The following FANCA variants were observed in gnomAD, a reference collection of about 807,000 sequenced individuals.
The protein encoded by FANCA is FA complementation group A.
In FANCA, 236 loss-of-function variants were observed where a neutral mutation model predicts 194.3. The ratio of observed to expected loss-of-function variants is 1.21; its 90% CI spans 1.09 to 1.35. FANCA has a LOEUF of 1.35. Among genes scored for constraint, FANCA ranks in the 40% most tolerant of loss-of-function variants. The pLI, the probability that FANCA is intolerant of heterozygous loss-of-function variation, is 0.00. For synonymous variants in FANCA, 1,014 were observed against 715.8 expected, an observed-to-expected ratio of 1.42 and a Z score of -6.65; for missense variants, 2,628 against 1,813.9, an observed-to-expected ratio of 1.45 and a Z score of -8.15.
At chr16:89,815,767 G>T in intron 2 of FANCA, 110 bp downstream of exon 2, 1 of 916,984 alleles carries the variant, frequency 1.1e-6, no homozygotes. Context: ...CTGCGGGCCA[G>T]GCCACCGCGC....
chr16:89,805,347 C>G lies in FANCA; in HGVS notation c.642G>C (p.Leu214=), dbSNP rs751215437. Reference sequence around the variant, plus strand: ...CTTCCATCTGTTCACAAAGGCAGCACAGATTCCTGAAGAGCCACGATCCCA... The same window carrying G: ...CTTCCATCTGTTCACAAAGGCAGCAGAGATTCCTGAAGAGCCACGATCCCA... The part of the protein sequence containing the change: ...HAVGSWLFRN[L]CCLCEQMEAS... Residue 214 remains leucine, a synonymous_variant, in exon 7 of 43, where the codon CTG becomes CTC. Coordinates refer to ENST00000389301, the MANE Select transcript of FANCA (RefSeq NM_000135.4). 8 of 1,614,074 alleles carry G rather than the reference C, an allele frequency of 5.0e-6. No individual in the cohort carries two copies. The highest frequency in any genetic ancestry group is 5.9e-6 in the Non-Finnish European group (7 of 1,179,978).
rs775991258 is a variant in FANCA, at chr16:89,805,392, G to A, written c.597C>T (p.Ser199=). Residue 199 remains serine (S), a splice_region_variant and synonymous_variant, in exon 7 of 43, where the codon AGC becomes AGT. Coordinates refer to ENST00000389301, the MANE Select transcript of FANCA (RefSeq NM_000135.4). The part of the protein sequence containing the change: ...GIVSLQELLE[S]HPDMHAVGSW... Reference sequence around the variant, plus strand: ...ATCCCACAGCATGCATGTCGGGATGGCTGGAGACACACACAGAGGCAGACG... The same window carrying A: ...ATCCCACAGCATGCATGTCGGGATGACTGGAGACACACACAGAGGCAGACG... 3 of 1,611,622 alleles carry A rather than the reference G, an allele frequency of 1.9e-6. No individual in the cohort carries two copies. Among genetic ancestry groups the A allele is most frequent in the Admixed American group, 1.7e-5 (1 of 59,948 alleles).
intron 14 of FANCA, among the ~76,000 whole-genome samples, chr16:89,789,501 T>C (rs905932602): frequency 6.9e-6 from 1 of 144,618 alleles, no homozygotes; most frequent in Non-Finnish European, 1.5e-5. Flanking sequence ...AGCGTAGTAA[T>C]GCAATCCCAG....
chr16:89,767,103 T>C, intron 27 of FANCA, 38 bp downstream of exon 27: 1 of 1,504,920 alleles, frequency 6.6e-7, no homozygotes, highest in Non-Finnish European at 9.3e-7. Flanking sequence ...ACCTGAAACG[T>C]ATGGCAGAAT....
At chr16:89,801,226 C>A (rs2040439617) in intron 8 of FANCA, among the ~76,000 whole-genome samples, 1 of 151,024 alleles carries the variant, frequency 6.6e-6, no homozygotes. Flanking sequence ...CGCCTGTAGT[C>A]CCAGCTATTC....
intron 20 of FANCA, chr16:89,778,328 T>C (rs1598125927): frequency 8.7e-6 from 3 of 346,672 alleles, no homozygotes; most frequent in East Asian, 2.4e-4. Flanking sequence ...TAGCAGGGCG[T>C]GGTGGTGCAT....
chr16:89,748,382 G>A (rs1342603769), intron 33 of FANCA, among the ~76,000 whole-genome samples: 1 of 152,210 alleles, frequency 6.6e-6, no homozygotes, highest in Non-Finnish European at 1.5e-5. Context: ...TGGTCTGTAC[G>A]ATTCCATGTG....
In FANCA at chr16:89,782,990, A is replaced by G; in HGVS notation, c.1566+17T>C. ...GCTGGGACAGGTGTGAGGAGTGGGC[A>G]TGGAGGGACAGCTTGCCTTGAGGTC... On this transcript the variant is annotated intron_variant, in intron 16 of 42. Transcript: ENST00000389301. 6.2e-7 allele frequency: 1 copy of G among 1,613,180 alleles called. No homozygotes were observed. Among genetic ancestry groups the G allele is most frequent in the Non-Finnish European group, 8.5e-7 (1 of 1,179,106 alleles).
chr16:89,786,015 ATTTT>A (rs67279101), intron 14 of FANCA, among the ~76,000 whole-genome samples: 7 of 104,128 alleles, frequency 6.7e-5, no homozygotes, highest in Non-Finnish European at 1.1e-4. Context: ...ACTCCCAGCT[ATTTT>A]TTTTTTTTTT....
intron 8 of FANCA, among the ~76,000 whole-genome samples, chr16:89,801,343 C>CAAAAAAAAAAAAAAAA (rs60802306): frequency 1.0e-5 from 1 of 100,334 alleles, no homozygotes; most frequent in African/African-American, 3.8e-5. Context: ...GACTCTGTCT[C>CAAAAAAAAAAAAAAAA]AAAAAAAAAA....
chr16:89,797,286 G>A (rs571143758), intron 10 of FANCA, among the ~76,000 whole-genome samples: 5 of 152,268 alleles, frequency 3.3e-5, no homozygotes, highest in South Asian at 4.1e-4. Context: ...AACCGAGATC[G>A]TGCCACTGCA....
In FANCA at chr16:89,815,962, T is replaced by G. The variant is rs1460652102; in HGVS notation, c.104A>C (p.Tyr35Ser). 1 of 1,613,910 alleles carries G rather than the reference T, an allele frequency of 6.2e-7. No individual in the cohort carries two copies. Among genetic ancestry groups the G allele is most frequent in the Non-Finnish European group, 8.5e-7 (1 of 1,179,896 alleles). The change falls in exon 2 of 43, where the codon TAT (tyrosine) becomes TCT (serine). Residue 35 changes from tyrosine (Y) to serine (S), a missense_variant. Coordinates refer to ENST00000389301, the MANE Select transcript of FANCA (RefSeq NM_000135.4). ...LLAGRVKREK[Y>S]NPERAQKLKE... is the part of the protein sequence containing the mutation. ...TAATTTCTGTGCCCTTTCAGGATTATATTTTTCCCTCTTGACCCTTCCCGC... is the reference window on the plus strand; with the variant it reads ...TAATTTCTGTGCCCTTTCAGGATTAGATTTTTCCCTCTTGACCCTTCCCGC...
intron 28 of FANCA, among the ~76,000 whole-genome samples, chr16:89,764,595 G>A (rs764876082): frequency 3.9e-5 from 6 of 152,176 alleles, no homozygotes; most frequent in Non-Finnish European, 8.8e-5. Flanking sequence ...TGTGAGCACC[G>A]TGCCCAGTAT....
chr16:89,766,480 C>A (rs962115045), intron 27 of FANCA, among the ~76,000 whole-genome samples: 3 of 151,682 alleles, frequency 2.0e-5, no homozygotes, highest in Non-Finnish European at 2.9e-5. Context: ...GAGGCCAAGG[C>A]GGGTGGATCA....
At chr16:89,804,395 C>T (rs2040561268) in intron 7 of FANCA, among the ~76,000 whole-genome samples, 1 of 152,146 alleles carries the variant, frequency 6.6e-6, no homozygotes, top group African/African-American at 2.4e-5. Context: ...AAACGAGCTT[C>T]AATGCACCTT....
At chr16:89,759,969 TGC>T (rs2038896974) in intron 29 of FANCA, among the ~76,000 whole-genome samples, 1 of 151,742 alleles carries the variant, frequency 6.6e-6, no homozygotes, top group East Asian at 1.9e-4. Flanking sequence ...GGGACCGGGG[TGC>T]TCCACCCACG....
rs2151710077 is a variant in FANCA at position 89,738,721 on chromosome 16, A to T, written c.4261-13T>A. 1 of 1,613,698 alleles carries T rather than the reference A, an allele frequency of 6.2e-7. No individual in the cohort carries two copies. The highest frequency in any genetic ancestry group is 8.5e-7 in the Non-Finnish European group (1 of 1,179,858). ...GATCAGCCAGCAGCTGTGAGAGAGGAGCAGGTCCTCAGCCCATGCCGCCCA... is the reference window on the plus strand; with the variant it reads ...GATCAGCCAGCAGCTGTGAGAGAGGTGCAGGTCCTCAGCCCATGCCGCCCA... On this transcript the variant is annotated splice_polypyrimidine_tract_variant and intron_variant, in intron 42 of 42. Transcript: ENST00000389301.
chr16:89,744,369 G>GTGGC (rs1026626991), intron 36 of FANCA, among the ~76,000 whole-genome samples: 1 of 152,224 alleles, frequency 6.6e-6, no homozygotes, highest in African/African-American at 2.4e-5. Flanking sequence ...AGCAGGTGGA[G>GTGGC]TGGCTGTCAG....
At chr16:89,793,665 C>A (rs1404076307) in intron 11 of FANCA, among the ~76,000 whole-genome samples, 1 of 151,796 alleles carries the variant, frequency 6.6e-6, no homozygotes, top group African/African-American at 2.4e-5. Flanking sequence ...ACCACAGCCT[C>A]GACCTCCCTG....
Sources: allele counts gnomAD v4.1 joint callset (sites outside exome capture counted in the v4.1 genomes callset), GRCh38; gene constraint gnomAD v4.1.1; transcripts MANE v1.5; gene names NCBI Gene and HGNC (gene_info 2026-07-23, HGNC 2026-07-21).